Variants in CHL1 observed in about 807,000 individuals in gnomAD.
The protein encoded by CHL1 is cell adhesion molecule L1 like, also known as neural cell adhesion molecule L1-like protein.
CHL1 carries 96 observed loss-of-function variants against 141.9 expected under a neutral mutation model. The ratio of observed to expected loss-of-function variants is 0.68; its 90% confidence interval spans 0.57 to 0.80. The LOEUF (loss-of-function observed/expected upper bound fraction) is 0.80, where lower values mean the gene tolerates loss of function less well. Among genes scored for constraint, CHL1 ranks in the 30% least tolerant of loss-of-function variants. CHL1 has a pLI of 0.00. For missense variants in CHL1, 1,820 were observed against 1,457.2 expected (o/e 1.25, Z -4.05); for synonymous variants, 613 against 502.2 (o/e 1.22, Z -2.95).
chr3:311,324 G>A (rs57216474), intron 2 of CHL1, among the ~76,000 whole-genome samples: 1 of 151,074 alleles, frequency 6.6e-6, no homozygotes, highest in Non-Finnish European at 1.5e-5. Flanking sequence ...TGCTTCAATA[G>A]TAATGCATAT....
intron 19 of CHL1, among the ~76,000 whole-genome samples, chr3:387,625 G>T (rs992577723): frequency 8.5e-5 from 13 of 152,130 alleles, no homozygotes; most frequent in Admixed American, 2.6e-4. Context: ...AATATTATTT[G>T]CACACACTTA....
intron 5 of CHL1, among the ~76,000 whole-genome samples, chr3:330,070 C>CA (rs1342241655): frequency 6.6e-6 from 1 of 151,924 alleles, no homozygotes; most frequent in African/African-American, 2.4e-5. Context: ...TTGTAACTAA[C>CA]ACGGCAAAAT....
intron 23 of CHL1, 88 bp from the exon 24 acceptor site, chr3:394,605 C>T: frequency 1.1e-6 from 1 of 949,040 alleles, no homozygotes; most frequent in Non-Finnish European, 1.6e-6. Context: ...CTTTACGTAC[C>T]ACAAGCATAA....
At chr3:308,450 A>G (rs922750531) in intron 2 of CHL1, among the ~76,000 whole-genome samples, 39 of 152,050 alleles carry the variant, frequency 2.6e-4, no homozygotes, top group African/African-American at 9.2e-4. Flanking sequence ...CACCTGAACA[A>G]TTTGATTAAC....
At chr3:277,290 G>T (rs1054217784) in intron 2 of CHL1, among the ~76,000 whole-genome samples, 3 of 151,852 alleles carry the variant, frequency 2.0e-5, no homozygotes, top group Non-Finnish European at 4.4e-5. Flanking sequence ...TATAATAGTA[G>T]CCACATCCTG....
chr3:383,931 T>G, intron 19 of CHL1, 45 bp downstream of exon 19: 24 of 1,357,222 alleles, frequency 1.8e-5, no homozygotes, highest in Non-Finnish European at 2.4e-5. Context: ...TGCTTTTCTC[T>G]TCCTCTTAGG....
intron 2 of CHL1, among the ~76,000 whole-genome samples, chr3:273,706 G>C (rs1013621063): frequency 6.6e-6 from 1 of 152,026 alleles, no homozygotes; most frequent in Non-Finnish European, 1.5e-5. Flanking sequence ...AAGAATAAGG[G>C]TATATATCTC....
chr3:274,906 T>A (rs1695956247), intron 2 of CHL1, among the ~76,000 whole-genome samples: 2 of 152,230 alleles, frequency 1.3e-5, no homozygotes, highest in East Asian at 3.8e-4. Context: ...GGTGGCATCT[T>A]CATTTATTAT....
intron 2 of CHL1, among the ~76,000 whole-genome samples, chr3:292,047 G>A (rs909661730): frequency 3.3e-5 from 5 of 152,270 alleles, no homozygotes; most frequent in South Asian, 2.1e-4. Flanking sequence ...CCTCTTGCAC[G>A]TTTCAGAGTG....
chr3:259,338 G>GTA (rs958888136), intron 2 of CHL1, among the ~76,000 whole-genome samples: 21 of 151,948 alleles, frequency 1.4e-4, no homozygotes, highest in African/African-American at 5.1e-4. Flanking sequence ...GTGTGTGTGT[G>GTA]ATATAGTGGG....
intron 2 of CHL1, among the ~76,000 whole-genome samples, chr3:307,606 G>T (rs1028101539): frequency 1.3e-5 from 2 of 152,088 alleles, no homozygotes; most frequent in African/African-American, 4.8e-5. Context: ...TTCACTCAAG[G>T]ATGCTTGTGT....
intron 2 of CHL1, among the ~76,000 whole-genome samples, chr3:262,796 G>A (rs991008324): frequency 2.6e-5 from 4 of 152,222 alleles, no homozygotes; most frequent in South Asian, 2.1e-4. Flanking sequence ...GCATATTAAT[G>A]TTAAAACTCA....
intron 2 of CHL1, among the ~76,000 whole-genome samples, chr3:318,511 G>C (rs930334024): frequency 3.3e-5 from 5 of 151,648 alleles, no homozygotes; most frequent in Non-Finnish European, 1.5e-5. Flanking sequence ...ACAATGTTTA[G>C]ACATCTATTA....
At position 361,901 on chromosome 3, in the gene CHL1, T is replaced by C; in HGVS notation, c.1418+91T>C. On this transcript the variant is annotated intron_variant, in intron 13 of 27. Transcript: ENST00000256509. ...CCGTCATTTGACAGGCTGTATTGTG[T>C]CTATATTGTTACATGTACCCAGTAC... 3 of 901,154 alleles carry C rather than the reference T, an allele frequency of 3.3e-6. No individual in the cohort carries two copies. In the South Asian group the frequency reaches 4.1e-5, roughly 12 times the overall value. 55.8% of individuals were successfully genotyped at this position (901,154 alleles called of 1,614,324 possible).
At chr3:345,679 T>C (rs554897337) in intron 9 of CHL1, among the ~76,000 whole-genome samples, 1 of 152,008 alleles carries the variant, frequency 6.6e-6, no homozygotes, top group Admixed American at 6.6e-5. Context: ...GAGACAGGGT[T>C]TCAACATGTT....
chr3:360,550 A>G (rs573799789), intron 12 of CHL1, 126 bp downstream of exon 12: 1 of 962,356 alleles, frequency 1.0e-6, no homozygotes, highest in African/African-American at 1.7e-5. Flanking sequence ...ACTTTTCACC[A>G]TACATTTGAG....
chr3:409,222 G>A lies in CHL1; in HGVS notation c.*3511G>A, dbSNP rs1044909942. 2 of 152,008 alleles carry A rather than the reference G, an allele frequency of 1.3e-5. No individual in the cohort carries two copies. Among genetic ancestry groups the A allele is most frequent in the African/African-American group, 4.8e-5 (2 of 41,412 alleles). 9.4% of individuals were successfully genotyped at this position (152,008 alleles called of 1,614,324 possible). A position where few individuals can be genotyped will look rare whatever the true frequency, so the allele number is the denominator to read the frequency against. On this transcript the variant is annotated 3_prime_UTR_variant, in exon 28 of 28. Coordinates refer to ENST00000256509, the MANE Select transcript of CHL1 (RefSeq NM_006614.4). ...GATTACGTCATCAAAAGAGATGAAA[G>A]GTATGTAGAACAGGTTCACGTGATT...
intron 2 of CHL1, among the ~76,000 whole-genome samples, chr3:260,288 G>GA (rs1487349460): frequency 7.0e-6 from 1 of 142,914 alleles, no homozygotes; most frequent in African/African-American, 3.0e-5. Context: ...ATAAATGTTT[G>GA]AAAAATCAAA....
intron 1 of CHL1, among the ~76,000 whole-genome samples, chr3:214,515 C>T (rs966951188): frequency 5.9e-5 from 9 of 152,046 alleles, no homozygotes; most frequent in Admixed American, 5.9e-4. Context: ...ATATTATTTT[C>T]TTATTGGCCA....
Sources: gnomAD v4.1 joint callset for allele counts (sites outside exome capture counted in the v4.1 genomes callset) on GRCh38, gnomAD v4.1.1 for gene constraint, MANE v1.5 for transcripts, NCBI Gene and HGNC (gene_info 2026-07-23, HGNC 2026-07-21) for gene names.